Variants in SMARCA2 observed in about 807,000 individuals in gnomAD.
SMARCA2 encodes SWI/SNF related BAF chromatin remodeling complex subunit ATPase 2.
Under a neutral mutation model 199.8 loss-of-function variants are expected in SMARCA2, and 61 were observed. The ratio of observed to expected loss-of-function variants is 0.31; its 90% CI spans 0.25 to 0.38. The LOEUF (loss-of-function observed/expected upper bound fraction) is 0.38, where lower values mean the gene tolerates loss of function less well. SMARCA2 is among the 10% of genes least tolerant of loss of function. The pLI is 1.00. For missense variants in SMARCA2, 1,344 were observed against 2,012.2 expected, an observed-to-expected ratio of 0.67 and a Z score of 6.35; for synonymous variants, 935 against 732.0, an observed-to-expected ratio of 1.28 and a Z score of -4.48.
intron 12 of SMARCA2, chr9:2,075,070 C>A (rs1194828704): frequency 6.6e-6 from 1 of 152,324 alleles, no homozygotes; most frequent in Non-Finnish European, 1.5e-5. Flanking sequence ...CAGCAGGTGC[C>A]ATCCTGAGAA....
intron 27 of SMARCA2, among the ~76,000 whole-genome samples, chr9:2,139,145 A>G (rs1228422463): frequency 2.6e-5 from 4 of 152,186 alleles, no homozygotes; most frequent in Admixed American, 2.0e-4. Flanking sequence ...GTTTACTGTA[A>G]TCACCCAACA....
chr9:2,071,017 A>C (rs1437210219), intron 10 of SMARCA2, among the ~76,000 whole-genome samples: 1 of 152,168 alleles, frequency 6.6e-6, no homozygotes, highest in Non-Finnish European at 1.5e-5. Flanking sequence ...GGATACAATT[A>C]ATTTATTGGA....
rs893762125 is a variant in SMARCA2, at chr9:2,119,984, A to T, written c.3762+449A>T. Among the ~76,000 whole-genome samples the T allele has an allele frequency of 8.5e-5, 13 of 152,200 alleles. No individual in the cohort carries two copies. The highest frequency in any genetic ancestry group is 1.5e-4 in the Non-Finnish European group (10 of 68,026). On this transcript the variant is annotated intron_variant, in intron 26 of 33. Coordinates refer to ENST00000349721, the MANE Select transcript of SMARCA2 (RefSeq NM_003070.5). The surrounding 1 kb of genome is among the most constrained non-coding windows in gnomAD (Gnocchi z 4.6). The stretch of plus-strand genomic sequence containing the variant: ...GCTCCTATAGGCATTGGAACTTACA[A>T]CAGTGCCCTTACAGGATCAAAGCAA...
chr9:2,072,099 G>C (rs981799603), intron 10 of SMARCA2: 21 of 152,156 alleles, frequency 1.4e-4, no homozygotes, highest in African/African-American at 5.1e-4. Flanking sequence ...TTGTTTTTTG[G>C]TCATCTCCTG....
At position 2,110,792 on chromosome 9, in the gene SMARCA2, A is replaced by C. The variant is rs1021873663; in HGVS notation, c.3456+375A>C. ...CTTAATCTGTGTCAGCCTCTTGGGC[A>C]TTTTTTCATTCAGTTTTACGACAAC... On this transcript the variant is annotated intron_variant, in intron 24 of 33. Transcript: ENST00000349721. The surrounding 1 kb of genome is among the most constrained non-coding windows in gnomAD (Gnocchi z 4.8). Among the ~76,000 whole-genome samples, 1 of 152,180 alleles carries C rather than the reference A, an allele frequency of 6.6e-6. No individual in the cohort carries two copies. Among genetic ancestry groups the C allele is most frequent in the Admixed American group, 6.5e-5 (1 of 15,280 alleles).
At chr9:2,078,404 G>A (rs1319592613) in intron 14 of SMARCA2, among the ~76,000 whole-genome samples, 3 of 152,070 alleles carry the variant, frequency 2.0e-5, no homozygotes, top group East Asian at 1.9e-4. Flanking sequence ...CTCCGGAGGT[G>A]GAGGTTGCAG....
At chr9:2,088,437 G>T in intron 18 of SMARCA2, 63 bp from the exon 19 acceptor site, 1 of 1,526,474 alleles carries the variant, frequency 6.6e-7, no homozygotes, top group East Asian at 2.3e-5. Flanking sequence ...GTAACATAAA[G>T]CTTTATTGTA....
At chr9:2,162,148 C>G (rs1586773592) in intron 28 of SMARCA2, among the ~76,000 whole-genome samples, 2 of 151,996 alleles carry the variant, frequency 1.3e-5, no homozygotes, top group East Asian at 3.9e-4. Flanking sequence ...TTTAAAATAT[C>G]TAAATTAGAA....
In SMARCA2 at chr9:2,039,782, G is replaced by A. The variant is rs1453388964; in HGVS notation, c.672G>A (p.Gln224=). The change falls in exon 4 of 34, where the codon CAG becomes CAA. Residue 224 remains glutamine (Q), a synonymous_variant. Coordinates refer to ENST00000349721, the MANE Select transcript of SMARCA2 (RefSeq NM_003070.5). This position sits in a 1 kb window ranked among gnomAD's most constrained non-coding sequence, Gnocchi z 4.8. ...AGCAACAACAGCAGCAGCAACAGCA[G>A]CAGCAGCAGCAGCAGCAGCAGCAGC... is the stretch of plus-strand genomic sequence containing the variant. ...GLQQQQQQQQ[Q]QQQQQQQQQQ... 7.7e-7 allele frequency: 1 copy of A among 1,297,134 alleles called. No homozygotes were observed. Among genetic ancestry groups the A allele is most frequent in the Non-Finnish European group, 1.0e-6 (1 of 954,652 alleles). 80.4% of individuals were successfully genotyped at this position (1,297,134 alleles called of 1,614,324 possible). A position where few individuals can be genotyped will look rare whatever the true frequency, so the allele number is the denominator to read the frequency against.
chr9:2,079,520 G>T (rs573997317), intron 14 of SMARCA2, among the ~76,000 whole-genome samples: 10 of 152,342 alleles, frequency 6.6e-5, no homozygotes, highest in Middle Eastern at 3.4e-3. Flanking sequence ...TGCATCATCA[G>T]TGCAGACGTC....
Position 2,047,437 on chromosome 9 carries a change from A to G in SMARCA2, c.999A>G (p.Lys333=). Reference sequence around the variant, plus strand: ...AGAGCCGCATCAGCCCCATCCAGAAACCGCAAGGCCTGGACCCCGTGGAAA... The same window carrying G: ...AGAGCCGCATCAGCCCCATCCAGAAGCCGCAAGGCCTGGACCCCGTGGAAA... ...QKQSRISPIQ[K]PQGLDPVEIL... The change falls in exon 5 of 34, where the codon AAA becomes AAG. Residue 333 remains lysine, a synonymous_variant. Coordinates refer to ENST00000349721, the MANE Select transcript of SMARCA2 (RefSeq NM_003070.5). 1 of 1,582,622 alleles carries G rather than the reference A, an allele frequency of 6.3e-7. No homozygotes were observed. The highest frequency in any genetic ancestry group is 1.1e-5 in the South Asian group (1 of 87,794).
intron 29 of SMARCA2, among the ~76,000 whole-genome samples, chr9:2,173,926 C>T (rs945072724): frequency 3.9e-5 from 6 of 152,120 alleles, no homozygotes; most frequent in South Asian, 2.1e-4. Context: ...AGAATCTGCT[C>T]GGAGATGTGG....
chr9:2,181,547 T>A (rs1827024350), intron 29 of SMARCA2, 24 bp from the exon 30 acceptor site: 1 of 1,174,322 alleles, frequency 8.5e-7, no homozygotes, highest in Non-Finnish European at 1.3e-6. Context: ...TGGCTTGTTT[T>A]TGTTTGTTTC....
chr9:2,134,118 C>G lies in SMARCA2; in HGVS notation c.3981+10181C>G, dbSNP rs1388228841. Among the ~76,000 whole-genome samples, 3 of 152,036 alleles carry G rather than the reference C, an allele frequency of 2.0e-5. No individual in the cohort carries two copies. In the East Asian group the frequency reaches 5.8e-4, roughly 29 times the overall value. On this transcript the variant is annotated intron_variant, in intron 27 of 33. Transcript: ENST00000349721. Reference sequence around the variant, plus strand: ...AGTTTCCAATTATTTCGAAGAAGACCTAATGGATAATAGAAAAAGAAGAAA... The same window carrying G: ...AGTTTCCAATTATTTCGAAGAAGACGTAATGGATAATAGAAAAAGAAGAAA...
intron 14 of SMARCA2, among the ~76,000 whole-genome samples, chr9:2,079,383 C>T (rs1189741074): frequency 6.6e-6 from 1 of 152,200 alleles, no homozygotes. Flanking sequence ...GCATCGGGTC[C>T]TCTCTACTCT....
chr9:2,107,922 C>T (rs1410885566), intron 23 of SMARCA2, among the ~76,000 whole-genome samples: 1 of 152,088 alleles, frequency 6.6e-6, no homozygotes, highest in Non-Finnish European at 1.5e-5. Flanking sequence ...AAGAACAGCC[C>T]TCAACTCTAC....
intron 4 of SMARCA2, chr9:2,042,084 G>C (rs550495039): frequency 1.3e-5 from 2 of 152,298 alleles, no homozygotes; most frequent in South Asian, 2.1e-4. Flanking sequence ...TGTGTACCAA[G>C]ATGCAAGCAT....
rs1824185013 is a variant in SMARCA2 at position 2,136,152 on chromosome 9, T to C, written c.3981+12215T>C. Among the ~76,000 whole-genome samples the C allele has an allele frequency of 2.0e-5, 3 of 151,896 alleles. No homozygotes were observed. In the South Asian group the frequency reaches 6.2e-4, roughly 32 times the overall value. ...ATCGTGCCTGGCAACTTTTACTTTT[T>C]ATTGTGGTTTTTAATAATAATTATC... is the stretch of plus-strand genomic sequence containing the variant. On this transcript the variant is annotated intron_variant, in intron 27 of 33. Coordinates refer to ENST00000349721, the MANE Select transcript of SMARCA2 (RefSeq NM_003070.5).
At chr9:2,124,085 C>T in intron 27 of SMARCA2, 148 bp downstream of exon 27, 1 of 703,854 alleles carries the variant, frequency 1.4e-6, no homozygotes, top group South Asian at 1.6e-5. Context: ...TAAAGTCATT[C>T]TGCTGTTGCA....
Sources: allele counts gnomAD v4.1 joint callset (sites outside exome capture counted in the v4.1 genomes callset), GRCh38; gene constraint gnomAD v4.1.1; non-coding constraint Gnocchi (gnomAD v3.1); transcripts MANE v1.5; gene names NCBI Gene and HGNC (gene_info 2026-07-23, HGNC 2026-07-21).